POMGNT1: variants seen among roughly 807,000 people sequenced by gnomAD.
The protein encoded by POMGNT1 is protein O-linked-mannose beta-1,2-N-acetylglucosaminyltransferase 1.
A neutral mutation model predicts 95.6 loss-of-function variants in POMGNT1; 67 were observed. The ratio of observed to expected loss-of-function variants is 0.70; its 90% confidence interval spans 0.58 to 0.86. POMGNT1 has a LOEUF of 0.86. Ranked by LOEUF, POMGNT1 falls within the 40% of genes least tolerant of loss-of-function variation. The pLI is 0.00. For synonymous variants in POMGNT1, 298 were observed against 317.9 expected (o/e 0.94, Z 0.66); for missense variants, 719 against 855.2 (o/e 0.84, Z 1.99).
chr1:46,189,848 G>T lies in POMGNT1; in HGVS notation c.1785+6C>A. The T allele has an allele frequency of 6.2e-7, 1 of 1,613,730 alleles. No individual in the cohort carries two copies. The highest frequency in any genetic ancestry group is 1.1e-5 in the South Asian group (1 of 90,872). On this transcript the variant is annotated splice_donor_region_variant and intron_variant, in intron 20 of 21. Transcript: ENST00000371984. ...GTTCTCCAGGGTGGGCATGGTATTG[G>T]AGCACCTTGGCAAGCTGGGTCCAGG...
At position 46,219,721 on chromosome 1, in the gene POMGNT1, T is replaced by G. The variant is rs150947325; in HGVS notation, c.-67A>C. 27 of 1,601,526 alleles carry G rather than the reference T, an allele frequency of 1.7e-5. No individual in the cohort carries two copies. In the African/African-American group the frequency reaches 3.3e-4, roughly 20 times the overall value. ...CAGGCTTACCTGCGAGCCATCGATG[T>G]GAAGATCCTGCAGCAGCTGGTGACC... On this transcript the variant is annotated 5_prime_UTR_variant, in exon 1 of 23. Transcript: ENST00000371992.
chr1:46,197,707 A>G lies in POMGNT1; in HGVS notation c.115T>C (p.Cys39Arg). The change falls in exon 2 of 22, where the codon TGT (cysteine) becomes CGT (arginine). Residue 39 changes from cysteine to arginine, a missense_variant. Cys to Arg is a radical substitution (Grantham distance 180). Transcript: ENST00000371984. ...LTNQRALRRF[C>R]QTGAVLFLLV... ...GGTTTGGGACATCTCTATACCTGAC[A>G]GAATCTCCGCAGGGCCCGCTGGTTT... 6.2e-7 allele frequency: 1 copy of G among 1,614,126 alleles called. No homozygotes were observed. Among genetic ancestry groups the G allele is most frequent in the Admixed American group, 1.7e-5 (1 of 60,020 alleles).
rs981788737 is a variant in POMGNT1, at chr1:46,189,542, A to C, written c.1811T>G (p.Val604Gly). 6.2e-7 allele frequency: 1 copy of C among 1,612,662 alleles called. No individual in the cohort carries two copies. The highest frequency in any genetic ancestry group is 1.7e-5 in the Admixed American group (1 of 59,826). ...CCACAGGCCCCGATGGTTGCCACGC[A>C]CATCCAGGTCCCAGATATGGAGGCA... ...AKCLHIWDLD[V>G]RGNHRGLWRL... is the part of the protein sequence containing the mutation. Residue 604 changes from valine (V) to glycine (G), a missense_variant, in exon 21 of 22, where the codon GTG (valine) becomes GGG (glycine). Transcript: ENST00000371984.
chr1:46,206,317 G>A (rs1347227371), intron 1 of POMGNT1, among the ~76,000 whole-genome samples: 1 of 152,180 alleles, frequency 6.6e-6, no homozygotes, highest in East Asian at 1.9e-4. Flanking sequence ...TGATTGTTAA[G>A]AACCTTTATA....
Position 46,195,794 on chromosome 1 carries a change from A to G in POMGNT1, c.534+17T>C, listed in dbSNP as rs987921248. On this transcript the variant is annotated intron_variant, in intron 6 of 21. Coordinates refer to ENST00000371984, the MANE Select transcript of POMGNT1 (RefSeq NM_017739.4). ...GAGCTAGGGAGTAGGGGTCAGGGTC[A>G]GGACAGAATAACTGACCTTGACAGT... 1 of 1,572,746 alleles carries G rather than the reference A, an allele frequency of 6.4e-7. No individual in the cohort carries two copies. The highest frequency in any genetic ancestry group is 1.9e-5 in the Admixed American group (1 of 53,978).
chr1:46,192,449 T>A lies in POMGNT1; in HGVS notation c.1285-13A>T. ...TGTGTTCATACCCCTGGGGACAGGG[T>A]GCCATAGTGGGAGGTATTAGCTGAG... On this transcript the variant is annotated splice_polypyrimidine_tract_variant and intron_variant, in intron 15 of 21. Coordinates refer to ENST00000371984, the MANE Select transcript of POMGNT1 (RefSeq NM_017739.4). 6.2e-7 allele frequency: 1 copy of A among 1,614,086 alleles called. No homozygotes were observed. Among genetic ancestry groups the A allele is most frequent in the South Asian group, 1.1e-5 (1 of 91,076 alleles).
intron 1 of POMGNT1, among the ~76,000 whole-genome samples, chr1:46,205,007 C>T (rs1018391467): frequency 3.3e-5 from 5 of 152,058 alleles, no homozygotes; most frequent in African/African-American, 9.7e-5. Flanking sequence ...CCTGTAATCC[C>T]AGCACTTTGG....
upstream of POMGNT1, among the ~76,000 whole-genome samples, chr1:46,202,134 T>C (rs1445331236): frequency 6.6e-6 from 1 of 151,492 alleles, no homozygotes; most frequent in African/African-American, 2.4e-5. Context: ...AAGTTATTTT[T>C]TGCCAATTGG....
chr1:46,207,226 A>G (rs952623682), intron 1 of POMGNT1, among the ~76,000 whole-genome samples: 1 of 152,008 alleles, frequency 6.6e-6, no homozygotes, highest in Non-Finnish European at 1.5e-5. Flanking sequence ...GACTATGGGC[A>G]TGTGCCACCA....
Position 46,196,866 on chromosome 1 carries a change from G to C in POMGNT1, c.236-17C>G, listed in dbSNP as rs1391226532. ...GGGCCTCATCTGTGGGGTACAACAGGTCATGGAGATAGTCTCCTCAGCAGA... is the reference window on the plus strand; with the variant it reads ...GGGCCTCATCTGTGGGGTACAACAGCTCATGGAGATAGTCTCCTCAGCAGA... On this transcript the variant is annotated splice_polypyrimidine_tract_variant and intron_variant, in intron 3 of 21. Transcript: ENST00000371984. This position sits in a 1 kb window ranked among gnomAD's most constrained non-coding sequence, Gnocchi z 4.4. The C allele has an allele frequency of 6.2e-7, 1 of 1,614,200 alleles. No individual in the cohort carries two copies. The highest frequency in any genetic ancestry group is 8.5e-7 in the Non-Finnish European group (1 of 1,180,038).
intron 1 of POMGNT1, among the ~76,000 whole-genome samples, chr1:46,207,629 C>A (rs1658761950): frequency 6.6e-6 from 1 of 150,972 alleles, no homozygotes; most frequent in African/African-American, 2.4e-5. Context: ...AGCTCCGCCT[C>A]CTGGGTTCAG....
At chr1:46,214,045 A>G (rs1658984199) in intron 1 of POMGNT1, among the ~76,000 whole-genome samples, 1 of 152,074 alleles carries the variant, frequency 6.6e-6, no homozygotes, top group South Asian at 2.1e-4. Context: ...ACCTAAATAA[A>G]TAGGAAAAAG....
At chr1:46,204,357 G>A (rs1250204785) in intron 1 of POMGNT1, among the ~76,000 whole-genome samples, 1 of 152,184 alleles carries the variant, frequency 6.6e-6, no homozygotes, top group African/African-American at 2.4e-5. Flanking sequence ...TGCTGGTCTA[G>A]ATTCAGAGCC....
chr1:46,191,683 G>A (rs1657776904), intron 17 of POMGNT1: 2 of 294,138 alleles, frequency 6.8e-6, no homozygotes, highest in African/African-American at 4.4e-5. Flanking sequence ...CACCTAGGCT[G>A]GAGTGCAGTG....
At chr1:46,203,556 C>T in intron 1 of POMGNT1, 1 of 1,569,146 alleles carries the variant, frequency 6.4e-7, no homozygotes, top group Non-Finnish European at 8.6e-7. Flanking sequence ...TGGCGCCCTG[C>T]TGCTCCCAGG....
intron 18 of POMGNT1, 80 bp downstream of exon 18, chr1:46,190,639 GC>G: frequency 6.5e-7 from 1 of 1,535,360 alleles, no homozygotes; most frequent in Non-Finnish European, 9.0e-7. Flanking sequence ...AAACACACAG[GC>G]CCAGCATTGG....
At chr1:46,203,395 G>T, upstream of POMGNT1, 1 of 1,431,400 alleles carries the variant, frequency 7.0e-7, no homozygotes, top group Non-Finnish European at 9.2e-7. Context: ...CCCGGCGTCC[G>T]GTCGCCCAGC....
At chr1:46,199,168 C>T (rs979734129), upstream of POMGNT1, among the ~76,000 whole-genome samples, 1 of 152,210 alleles carries the variant, frequency 6.6e-6, no homozygotes, top group African/African-American at 2.4e-5. Context: ...TCTTGAACTT[C>T]TGACCTCAAG....
intron 9 of POMGNT1, 136 bp from the exon 10 acceptor site, chr1:46,194,061 G>C: frequency 6.5e-7 from 1 of 1,544,878 alleles, no homozygotes; most frequent in Non-Finnish European, 8.8e-7. Context: ...TCCCTGTTCT[G>C]GGCTCTCCAC....
Sources: allele counts gnomAD v4.1 joint callset (sites outside exome capture counted in the v4.1 genomes callset), GRCh38; gene constraint gnomAD v4.1.1; non-coding constraint Gnocchi (gnomAD v3.1); transcripts MANE v1.5; gene names NCBI Gene and HGNC (gene_info 2026-07-23, HGNC 2026-07-21).